Variants in CHUK observed in about 807,000 individuals in gnomAD.
The protein encoded by CHUK is inhibitor of nuclear factor kappa-B kinase subunit alpha.
Under a neutral mutation model 104.8 loss-of-function variants are expected in CHUK, and 35 were observed. The observed-to-expected ratio is 0.33, with a 90% CI of 0.26 to 0.44. The LOEUF (loss-of-function observed/expected upper bound fraction) is 0.44, where lower values mean the gene tolerates loss of function less well. CHUK is among the 20% of genes least tolerant of loss of function. CHUK has a pLI of 1.00. For missense variants in CHUK, 663 were observed against 902.7 expected (o/e 0.73, Z 3.40); for synonymous variants, 276 against 291.9 (o/e 0.95, Z 0.56).
downstream of CHUK, chr10:100,186,393 G>A (rs1281745088): frequency 4.5e-6 from 1 of 221,818 alleles, no homozygotes; most frequent in Non-Finnish European, 8.7e-6. Context: ...ACTTGCTTCC[G>A]GCAGAGATCC....
intron 9 of CHUK, among the ~76,000 whole-genome samples, chr10:100,212,044 A>G (rs968808176): frequency 3.9e-5 from 6 of 152,124 alleles, no homozygotes; most frequent in African/African-American, 1.4e-4. Flanking sequence ...CACCATGCCC[A>G]GCTAATTTTT....
chr10:100,201,979 A>T, intron 14 of CHUK, 109 bp downstream of exon 14: 1 of 852,746 alleles, frequency 1.2e-6, no homozygotes, highest in South Asian at 1.4e-5. Context: ...ATTTTGTCTG[A>T]ATTTCAGGAA....
chr10:100,229,549 C>A lies in CHUK; in HGVS notation c.-17G>T. 1 of 1,497,752 alleles carries A rather than the reference C, an allele frequency of 6.7e-7. No individual in the cohort carries two copies. Among genetic ancestry groups the A allele is most frequent in the Non-Finnish European group, 9.0e-7 (1 of 1,115,964 alleles). 92.8% of individuals were successfully genotyped at this position (1,497,752 alleles called of 1,614,324 possible). A position where few individuals can be genotyped will look rare whatever the true frequency, so the allele number is the denominator to read the frequency against. ...CCGCTCCATGGGGCGGGAGGGCAAG[C>A]GGCCTCAGGTTCCACAGTTGTTCCA... is the stretch of plus-strand genomic sequence containing the variant. On this transcript the variant is annotated 5_prime_UTR_variant, in exon 1 of 21. Transcript: ENST00000370397.
intron 4 of CHUK, 118 bp from the exon 5 acceptor site, chr10:100,220,794 C>G (rs1000303035): frequency 1.5e-6 from 1 of 687,364 alleles, no homozygotes; most frequent in African/African-American, 1.9e-5. Flanking sequence ...ATCATCGTAA[C>G]TACACAACTA....
chr10:100,194,725 C>T (rs1193207573), intron 16 of CHUK: 2 of 428,162 alleles, frequency 4.7e-6, no homozygotes, highest in African/African-American at 2.0e-5. Context: ...ATAAAGTTTG[C>T]AGGTGTATAA....
rs371705067 is a variant in CHUK at position 100,225,886 on chromosome 10, T to C, written c.200+37A>G. The stretch of plus-strand genomic sequence containing the variant: ...CCCATGATGACATCTGGTTGGGCTG[T>C]AGAACCAGGGAAATGTAAGTCAAGG... On this transcript the variant is annotated intron_variant, in intron 2 of 20. Transcript: ENST00000370397. 62 of 1,208,352 alleles carry C rather than the reference T, an allele frequency of 5.1e-5. 1 individual carries two copies. Among genetic ancestry groups the C allele is most frequent in the Non-Finnish European group, 7.2e-5 (58 of 809,392 alleles). 74.9% of individuals were successfully genotyped at this position (1,208,352 alleles called of 1,614,324 possible).
Position 100,218,984 on chromosome 10 carries a change from C to A in CHUK, c.689+24G>T, listed in dbSNP as rs1333035115. The A allele has an allele frequency of 1.9e-6, 3 of 1,613,724 alleles. No individual in the cohort carries two copies. The South Asian group carries it at 3.3e-5, about 18-fold the overall frequency. On this transcript the variant is annotated intron_variant, in intron 7 of 20. Coordinates refer to ENST00000370397, the MANE Select transcript of CHUK (RefSeq NM_001278.5). ...AAAATTTCCATTCCCATTAAGCATGCCCAAGTTCTCATCCATTTCTTACCA... is the reference window on the plus strand; with the variant it reads ...AAAATTTCCATTCCCATTAAGCATGACCAAGTTCTCATCCATTTCTTACCA...
chr10:100,220,311 A>T (rs1845956660), intron 5 of CHUK, among the ~76,000 whole-genome samples: 1 of 152,144 alleles, frequency 6.6e-6, no homozygotes, highest in Non-Finnish European at 1.5e-5. Flanking sequence ...ACAGACTTGA[A>T]CAAGACAGGT....
rs1474997631 is a variant in CHUK, at chr10:100,188,939, CACA to C, written c.*656_*658del. The C allele has an allele frequency of 1.4e-4, 21 of 152,170 alleles. No individual in the cohort carries two copies. The highest frequency in any genetic ancestry group is 4.6e-4 in the African/African-American group (19 of 41,428). 9.4% of individuals were successfully genotyped at this position (152,170 alleles called of 1,614,324 possible). A position where few individuals can be genotyped will look rare whatever the true frequency, so the allele number is the denominator to read the frequency against. Reference sequence around the variant, plus strand: ...AATGTACATCTTAAATACATATACACACAACAACATGATTTATGAAAGCCAACT... The same window carrying C: ...AATGTACATCTTAAATACATATACACACAACATGATTTATGAAAGCCAACT... On this transcript the variant is annotated 3_prime_UTR_variant, in exon 21 of 21. Transcript: ENST00000370397.
Position 100,209,578 on chromosome 10 carries a change from A to G in CHUK, c.1128+17T>C. On this transcript the variant is annotated intron_variant, in intron 10 of 20. Coordinates refer to ENST00000370397, the MANE Select transcript of CHUK (RefSeq NM_001278.5). ...AGATTTCACATACTCTAGGGATATT[A>G]TAATTAATTTTCTTACAACTCCATC... 6.8e-7 allele frequency: 1 copy of G among 1,478,082 alleles called. No individual in the cohort carries two copies. The highest frequency in any genetic ancestry group is 9.5e-7 in the Non-Finnish European group (1 of 1,056,230). The allele number at this position is 1,478,082 out of a possible 1,614,324, so 91.6% of individuals were successfully genotyped here.
intron 1 of CHUK, among the ~76,000 whole-genome samples, chr10:100,229,097 T>G (rs1375257148): frequency 6.6e-6 from 1 of 151,448 alleles, no homozygotes; most frequent in East Asian, 1.9e-4. Flanking sequence ...ACATACACAC[T>G]GTGACGTGCA....
At position 100,202,073 on chromosome 10, in the gene CHUK, C is replaced by T. The variant is rs373742583; in HGVS notation, c.1569+15G>A. 2.8e-5 allele frequency: 44 copies of T among 1,573,666 alleles called. 1 individual carries two copies. In the Middle Eastern group the frequency reaches 5.3e-4, roughly 19 times the overall value. ...AAGAATTAATAAGTATACAGAATGA[C>T]GTCAATGATTTTACCTCAGCATAGT... On this transcript the variant is annotated intron_variant, in intron 14 of 20. Transcript: ENST00000370397.
In CHUK at chr10:100,203,860, C is replaced by T. The variant is rs1325823174; in HGVS notation, c.1507+646G>A. 3.3e-5 allele frequency among the ~76,000 whole-genome samples: 5 copies of T among 152,234 alleles called. No homozygotes were observed. The South Asian group carries it at 6.2e-4, about 19-fold the overall frequency. Reference sequence around the variant, plus strand: ...TTAAGACTCCCCTGGTTGTCTTAGTCCATTTGGACTACTATAACAAAATAC... The same window carrying T: ...TTAAGACTCCCCTGGTTGTCTTAGTTCATTTGGACTACTATAACAAAATAC... On this transcript the variant is annotated intron_variant, in intron 13 of 20. Transcript: ENST00000370397.
chr10:100,198,614 A>G (rs1401566926), intron 16 of CHUK, among the ~76,000 whole-genome samples: 1 of 152,222 alleles, frequency 6.6e-6, no homozygotes, highest in Non-Finnish European at 1.5e-5. Flanking sequence ...CTCTCTGACA[A>G]AGTTTCAAGG....
chr10:100,217,726 A>G (rs1167780773), intron 9 of CHUK, among the ~76,000 whole-genome samples: 2 of 152,128 alleles, frequency 1.3e-5, no homozygotes, highest in African/African-American at 4.8e-5. Flanking sequence ...AAAATACAAA[A>G]ATTAGCTGGG....
In CHUK at chr10:100,199,982, T is replaced by C; in HGVS notation, c.1718A>G (p.His573Arg). The C allele has an allele frequency of 6.2e-7, 1 of 1,612,308 alleles. No homozygotes were observed. The highest frequency in any genetic ancestry group is 1.1e-5 in the South Asian group (1 of 91,060). ...RAIDLYKQLK[H>R]RPSDHSYSDS... ...TAGAAGTGTCTTACCTGAAGGTCTG[T>C]GTTTTAACTGCTTATATAGATCAAT... is the stretch of plus-strand genomic sequence containing the variant. Residue 573 changes from histidine (H) to arginine (R), a missense_variant, in exon 16 of 21, where the codon CAC becomes CGC. His to Arg is a conservative substitution (Grantham distance 29). Around this residue, in one of 5 missense-constraint regions of CHUK, gnomAD observed 311 missense variants for 393.4 expected, o/e 0.79. Transcript: ENST00000370397.
intron 13 of CHUK, among the ~76,000 whole-genome samples, chr10:100,203,803 T>G (rs1269087813): frequency 6.6e-6 from 1 of 152,156 alleles, no homozygotes; most frequent in Non-Finnish European, 1.5e-5. Context: ...CCTTAGAATA[T>G]TTGTGTCATT....
At chr10:100,196,385 G>GTTTT (rs34375161) in intron 16 of CHUK, among the ~76,000 whole-genome samples, 3 of 128,210 alleles carry the variant, frequency 2.3e-5, no homozygotes, top group Middle Eastern at 3.7e-3. Flanking sequence ...TCTGCTCTGG[G>GTTTT]TTTTTTTTTT....
chr10:100,194,353 G>A, intron 17 of CHUK, 72 bp downstream of exon 17: 1 of 1,221,166 alleles, frequency 8.2e-7, no homozygotes, highest in Non-Finnish European at 1.2e-6. Flanking sequence ...ACCAAAGAGG[G>A]CTTTTGTACT....
Sources: allele counts gnomAD v4.1 joint callset (sites outside exome capture counted in the v4.1 genomes callset), GRCh38; gene constraint gnomAD v4.1.1; regional missense constraint gnomAD v4.1.1; transcripts MANE v1.5; gene names NCBI Gene and HGNC (gene_info 2026-07-23, HGNC 2026-07-21).